ELOVL7: variants seen among roughly 807,000 people sequenced by gnomAD.
The protein encoded by ELOVL7 is ELOVL fatty acid elongase 7, also known as very long chain fatty acid elongase 7.
Under a neutral mutation model 35.7 loss-of-function variants are expected in ELOVL7, and 27 were observed. The ratio of observed to expected loss-of-function variants is 0.76; its 90% CI spans 0.56 to 1.04. The LOEUF is 1.04. Ranked by LOEUF, ELOVL7 falls within the 50% of genes least tolerant of loss-of-function variation. The pLI, the probability that ELOVL7 is intolerant of heterozygous loss-of-function variation, is 0.00. For synonymous variants in ELOVL7, 113 were observed against 114.6 expected, an observed-to-expected ratio of 0.99 and a Z score of 0.09; for missense variants, 327 against 340.8, an observed-to-expected ratio of 0.96 and a Z score of 0.32.
At chr5:60,779,054 G>A (rs1201985347) in intron 3 of ELOVL7, among the ~76,000 whole-genome samples, 8 of 152,304 alleles carry the variant, frequency 5.3e-5, no homozygotes, top group South Asian at 2.1e-4. Flanking sequence ...TTGACTCCAC[G>A]TCTCACATCT....
intron 4 of ELOVL7, 117 bp downstream of exon 4, chr5:60,771,786 G>C: frequency 1.4e-6 from 1 of 733,454 alleles, no homozygotes; most frequent in Admixed American, 2.9e-5. Flanking sequence ...GCTCTAGTGA[G>C]ATCAGTTTCT....
In ELOVL7 at chr5:60,754,361, A is replaced by G. The variant is rs1741404932; in HGVS notation, c.*263T>C. Reference sequence around the variant, plus strand: ...TTTTCACTGCAACAAAATGTTTTAAACAAAACCTTTGGATTAGGTTTAAAA... The same window carrying G: ...TTTTCACTGCAACAAAATGTTTTAAGCAAAACCTTTGGATTAGGTTTAAAA... On this transcript the variant is annotated 3_prime_UTR_variant, in exon 9 of 9. Coordinates refer to ENST00000508821, the MANE Select transcript of ELOVL7 (RefSeq NM_024930.3). 1 of 425,174 alleles carries G rather than the reference A, an allele frequency of 2.4e-6. No individual in the cohort carries two copies. The highest frequency in any genetic ancestry group is 4.2e-5 in the East Asian group (1 of 23,654). The allele number at this position is 425,174 out of a possible 1,614,324, so 26.3% of individuals were successfully genotyped here. A position where few individuals can be genotyped will look rare whatever the true frequency, so the allele number is the denominator to read the frequency against.
intron 3 of ELOVL7, chr5:60,784,128 C>T: frequency 6.6e-7 from 1 of 1,517,238 alleles, no homozygotes; most frequent in East Asian, 2.5e-5. Flanking sequence ...TCAGCTGCTT[C>T]TAAGAGAGTA....
intron 1 of ELOVL7, among the ~76,000 whole-genome samples, chr5:60,817,172 G>A (rs1745561795): frequency 6.8e-6 from 1 of 147,272 alleles, no homozygotes. Context: ...AAACTGAAAG[G>A]AAAACATAAG....
At chr5:60,775,052 C>T (rs1742823982) in intron 3 of ELOVL7, among the ~76,000 whole-genome samples, 1 of 152,166 alleles carries the variant, frequency 6.6e-6, no homozygotes, top group Admixed American at 6.5e-5. Flanking sequence ...GCATGAGCCA[C>T]CACACCCAGC....
intron 1 of ELOVL7, among the ~76,000 whole-genome samples, chr5:60,799,558 G>A (rs546585175): frequency 4.6e-5 from 7 of 152,208 alleles, no homozygotes; most frequent in South Asian, 2.1e-4. Context: ...ATGATACACC[G>A]ACATATCCCA....
At chr5:60,777,553 T>A (rs910559567) in intron 3 of ELOVL7, among the ~76,000 whole-genome samples, 2 of 151,998 alleles carry the variant, frequency 1.3e-5, no homozygotes, top group African/African-American at 2.4e-5. Flanking sequence ...CAGCTGGATA[T>A]ATGGATCTAG....
At chr5:60,767,750 TTCAG>T (rs1303193379) in intron 5 of ELOVL7, 69 bp downstream of exon 5, 36 of 1,082,880 alleles carry the variant, frequency 3.3e-5, no homozygotes, top group Non-Finnish European at 5.0e-5. Flanking sequence ...TAAGTTTACG[TTCAG>T]TGTTACAAAC....
chr5:60,771,943 T>C lies in ELOVL7; in HGVS notation c.215A>G (p.Asn72Ser), dbSNP rs1256736741. The C allele has an allele frequency of 1.9e-6, 3 of 1,613,506 alleles. No individual in the cohort carries two copies. Among genetic ancestry groups the C allele is most frequent in the Non-Finnish European group, 2.5e-6 (3 of 1,179,742 alleles). Residue 72 changes from asparagine (N) to serine (S), a missense_variant, in exon 4 of 9, where the codon AAT becomes AGT. By Grantham distance (46) the Asn-to-Ser change is conservative. Coordinates refer to ENST00000508821, the MANE Select transcript of ELOVL7 (RefSeq NM_024930.3). ...CACAGAAAAGAGTACTATGAAAAAATTGTACGTTATCATTGCTTTCTTGAG... is the reference window on the plus strand; with the variant it reads ...CACAGAAAAGAGTACTATGAAAAAACTGTACGTTATCATTGCTTTCTTGAG... The part of the protein sequence containing the change: ...FELKKAMITY[N>S]FFIVLFSVYM...
At position 60,754,395 on chromosome 5, in the gene ELOVL7, A is replaced by G. The variant is rs2112109260; in HGVS notation, c.*229T>C. 1 of 505,742 alleles carries G rather than the reference A, an allele frequency of 2.0e-6. No homozygotes were observed. The highest frequency in any genetic ancestry group is 3.3e-5 in the East Asian group (1 of 30,482). The allele number at this position is 505,742 out of a possible 1,614,324, so 31.3% of individuals were successfully genotyped here. A position where few individuals can be genotyped will look rare whatever the true frequency, so the allele number is the denominator to read the frequency against. On this transcript the variant is annotated 3_prime_UTR_variant, in exon 9 of 9. Coordinates refer to ENST00000508821, the MANE Select transcript of ELOVL7 (RefSeq NM_024930.3). ...TTGGATTAGGTTTAAAAGCAGCTAA[A>G]AAAACAAAAACAAAAACAAAAACAA...
chr5:60,753,314 A>G lies in ELOVL7; in HGVS notation c.*1310T>C, dbSNP rs373855389. On this transcript the variant is annotated 3_prime_UTR_variant, in exon 9 of 9. Transcript: ENST00000508821. The stretch of plus-strand genomic sequence containing the variant: ...GATTCTCTGACAAGAAAATGTAAAA[A>G]TAACAGAAAGAAACTAGCAATTTTA... 5.9e-5 allele frequency: 9 copies of G among 152,336 alleles called. No homozygotes were observed. The East Asian group carries it at 1.3e-3, about 23-fold the overall frequency. 9.4% of individuals were successfully genotyped at this position (152,336 alleles called of 1,614,324 possible). A position where few individuals can be genotyped will look rare whatever the true frequency, so the allele number is the denominator to read the frequency against.
chr5:60,798,878 C>T (rs894640144), intron 2 of ELOVL7, among the ~76,000 whole-genome samples: 2 of 152,166 alleles, frequency 1.3e-5, no homozygotes, highest in South Asian at 2.1e-4. Context: ...ATGTGCTGAA[C>T]GTTCTATCCA....
rs555372963 is a variant in ELOVL7, at chr5:60,824,715, C to T, written c.-86+19445G>A. 5.9e-5 allele frequency among the ~76,000 whole-genome samples: 9 copies of T among 152,316 alleles called. No individual in the cohort carries two copies. The South Asian group carries it at 1.5e-3, about 25-fold the overall frequency. On this transcript the variant is annotated intron_variant, in intron 1 of 8. Transcript: ENST00000508821. ...GCCCAAGCCACTGTCCTGTCTTATC[C>T]GGATTGCTGCAGTAGCCTCTAAGCT... is the stretch of plus-strand genomic sequence containing the variant.
chr5:60,807,188 A>G, intron 1 of ELOVL7, among the ~76,000 whole-genome samples: 1 of 152,142 alleles, frequency 6.6e-6, no homozygotes, highest in Non-Finnish European at 1.5e-5. Context: ...CAGGTGGTGA[A>G]TGGTACAACA....
At chr5:60,835,074 C>T (rs1746708171) in intron 1 of ELOVL7, among the ~76,000 whole-genome samples, 1 of 151,234 alleles carries the variant, frequency 6.6e-6, no homozygotes, top group Non-Finnish European at 1.5e-5. Context: ...CCCGTAGTCC[C>T]AGTTACACGG....
intron 4 of ELOVL7, 25 bp from the exon 5 acceptor site, chr5:60,767,928 A>G: frequency 6.3e-7 from 1 of 1,588,042 alleles, no homozygotes; most frequent in Non-Finnish European, 8.6e-7. Context: ...ATGCATATTA[A>G]GAAAGGAAAG....
chr5:60,779,762 G>A (rs769289927), intron 3 of ELOVL7, among the ~76,000 whole-genome samples: 1 of 152,178 alleles, frequency 6.6e-6, no homozygotes, highest in Non-Finnish European at 1.5e-5. Context: ...GCAAATTTCT[G>A]CAGCAGGCTT....
At chr5:60,783,814 T>C (rs1743403092) in intron 3 of ELOVL7, among the ~76,000 whole-genome samples, 1 of 152,184 alleles carries the variant, frequency 6.6e-6, no homozygotes, top group African/African-American at 2.4e-5. Flanking sequence ...CCTGTATCAT[T>C]ACATAAGTTG....
intron 1 of ELOVL7, among the ~76,000 whole-genome samples, chr5:60,819,279 T>G (rs918548482): frequency 2.6e-5 from 4 of 152,002 alleles, no homozygotes; most frequent in Admixed American, 6.6e-5. Context: ...GTTTATGAAT[T>G]AATGAATGAA....
Sources: gnomAD v4.1 joint callset for allele counts (sites outside exome capture counted in the v4.1 genomes callset) on GRCh38, gnomAD v4.1.1 for gene constraint, MANE v1.5 for transcripts, NCBI Gene and HGNC (gene_info 2026-07-23, HGNC 2026-07-21) for gene names.